The following TMEM255A variants were observed in gnomAD, a reference collection of about 807,000 sequenced individuals.
The protein encoded by TMEM255A is transmembrane protein 255A.
TMEM255A carries 14 observed loss-of-function variants against 23.5 expected under a neutral mutation model. The observed-to-expected ratio is 0.60, with a 90% CI of 0.39 to 0.93. The LOEUF is 0.93. Ranked by LOEUF, TMEM255A falls within the 40% of genes least tolerant of loss-of-function variation. The probability of loss-of-function intolerance (pLI) is 0.00; values close to 1 mark genes in which losing one functional copy is unlikely to be tolerated. For synonymous variants in TMEM255A, 104 were observed against 100.3 expected, an observed-to-expected ratio of 1.04 and a Z score of -0.22; for missense variants, 233 against 261.7, an observed-to-expected ratio of 0.89 and a Z score of 0.76.
At chrX:120,300,727 A>G (rs1436108885) in intron 2 of TMEM255A, among the ~76,000 whole-genome samples, 2 of 106,418 alleles carry the variant, frequency 1.9e-5, no homozygotes, top group African/African-American at 6.9e-5. Context: ...TTATTTATTT[A>G]TTTGAGACAG....
chrX:120,287,382 G>T (rs1227428562), intron 4 of TMEM255A, among the ~76,000 whole-genome samples, 160 bp from the exon 5 acceptor site: 1 of 109,816 alleles, frequency 9.1e-6, no homozygotes, highest in East Asian at 2.9e-4. Context: ...AAAGTCACCT[G>T]TCTAGGGAGA....
chrX:120,272,707 C>T (rs2057769629), intron 7 of TMEM255A, among the ~76,000 whole-genome samples: 1 of 109,405 alleles, frequency 9.1e-6, no homozygotes, highest in African/African-American at 3.4e-5. Flanking sequence ...TCAATTAAAC[C>T]TCTCTTCTTT....
In TMEM255A at chrX:120,259,030, A is replaced by T. The variant is rs1337010605; in HGVS notation, c.*1840T>A. The T allele has an allele frequency of 8.8e-6, 1 of 113,026 alleles. No individual in the cohort carries two copies. The highest frequency in any genetic ancestry group is 3.2e-5 in the African/African-American group (1 of 31,091). 9.3% of individuals were successfully genotyped at this position (113,026 alleles called of 1,213,427 possible). On this transcript the variant is annotated 3_prime_UTR_variant, in exon 9 of 9. Transcript: ENST00000371369. ...TTATTTTGTAAAGTAAGAAAAATAC[A>T]TAGAAATGAGCCATAGAATCTTAAC...
chrX:120,305,171 T>C (rs930979888), intron 1 of TMEM255A, among the ~76,000 whole-genome samples: 5 of 111,742 alleles, frequency 4.5e-5, no homozygotes, highest in African/African-American at 1.6e-4. Flanking sequence ...TTTAGGCTTA[T>C]GTGAGGGTGA....
intron 6 of TMEM255A, among the ~76,000 whole-genome samples, chrX:120,282,151 T>A (rs143695082): frequency 0.024 from 2,708 of 111,616 alleles, 79 homozygotes; most frequent in African/African-American, 0.082. Flanking sequence ...TATTGCTAGC[T>A]ATATTTAGGC....
intron 8 of TMEM255A, among the ~76,000 whole-genome samples, chrX:120,261,519 C>G (rs2057680258): frequency 8.9e-6 from 1 of 111,761 alleles, no homozygotes; most frequent in Non-Finnish European, 1.9e-5. Flanking sequence ...CTCTCATAGA[C>G]AAGAAACTAA....
rs377625503 is a variant in TMEM255A at position 120,311,340 on chromosome X, G to T, written c.-31C>A. 6.1e-6 allele frequency: 7 copies of T among 1,149,471 alleles called. No individual in the cohort carries two copies. Among genetic ancestry groups the T allele is most frequent in the Non-Finnish European group, 8.2e-6 (7 of 855,446 alleles). The allele number at this position is 1,149,471 out of a possible 1,213,427, so 94.7% of individuals were successfully genotyped here. ...AAACTGCCCGGTTGCCCCAGTCCCC[G>T]AAGCTGCTTCAAGCGCCCCCGGCTC... On this transcript the variant is annotated 5_prime_UTR_variant, in exon 1 of 9. Transcript: ENST00000371369.
downstream of TMEM255A, chrX:120,254,951 T>A: frequency 8.3e-7 from 1 of 1,212,003 alleles, no homozygotes; most frequent in South Asian, 1.8e-5. Flanking sequence ...TGCGGAGACA[T>A]TTTAACATTC....
chrX:120,265,099 A>G (rs933612515), intron 8 of TMEM255A, among the ~76,000 whole-genome samples: 1 of 109,938 alleles, frequency 9.1e-6, no homozygotes, highest in Non-Finnish European at 1.9e-5. Context: ...CTGGTCTCGA[A>G]CTCCCGACCT....
chrX:120,277,173 C>T lies in TMEM255A; in HGVS notation c.513-126G>A, dbSNP rs2057805067. 6 of 515,690 alleles carry T rather than the reference C, an allele frequency of 1.2e-5. No homozygotes were observed. The East Asian group carries it at 2.1e-4, about 18-fold the overall frequency. 42.5% of individuals were successfully genotyped at this position (515,690 alleles called of 1,213,427 possible). A position where few individuals can be genotyped will look rare whatever the true frequency, so the allele number is the denominator to read the frequency against. ...AAAAGACAGGTGGGCAGGTGGGGAG[C>T]TACAGTAAGAGACATCATAGCCATG... is the stretch of plus-strand genomic sequence containing the variant. On this transcript the variant is annotated intron_variant, in intron 6 of 8. Transcript: ENST00000371369.
chrX:120,264,005 T>C (rs968654093), intron 8 of TMEM255A, among the ~76,000 whole-genome samples: 2 of 110,976 alleles, frequency 1.8e-5, no homozygotes, highest in African/African-American at 6.6e-5. Flanking sequence ...AGAGGAAAAA[T>C]AGAGGCACTT....
intron 7 of TMEM255A, among the ~76,000 whole-genome samples, chrX:120,272,920 T>G (rs1556019067): frequency 9.0e-6 from 1 of 110,559 alleles, no homozygotes; most frequent in Non-Finnish European, 1.9e-5. Flanking sequence ...TTTTGTATTT[T>G]TAGTAGAGAC....
At chrX:120,256,684 T>A (rs1274812189), downstream of TMEM255A, 1 of 122,862 alleles carries the variant, frequency 8.1e-6, no homozygotes, top group Non-Finnish European at 1.9e-5. Flanking sequence ...AAGTTAACAC[T>A]TACTGAAGTG....
chrX:120,262,017 C>T (rs782469784), intron 8 of TMEM255A, among the ~76,000 whole-genome samples: 6 of 111,927 alleles, frequency 5.4e-5, no homozygotes, highest in South Asian at 3.7e-4. Flanking sequence ...AGGCCGGGCG[C>T]GGTGGCTAAC....
At chrX:120,298,306 G>T (rs782782014) in intron 2 of TMEM255A, among the ~76,000 whole-genome samples, 2 of 111,661 alleles carry the variant, frequency 1.8e-5, no homozygotes, top group Non-Finnish European at 3.8e-5. Flanking sequence ...AGGCCAGGAG[G>T]TGGGATGGGG....
rs139214338 is a variant in TMEM255A, at chrX:120,269,779, C to A, written c.676-1392G>T. On this transcript the variant is annotated intron_variant, in intron 7 of 8. Coordinates refer to ENST00000371369, the MANE Select transcript of TMEM255A (RefSeq NM_001104544.3). Reference sequence around the variant, plus strand: ...TTTACTCAGAAATGCCCTTACCTCTCCCCCAGAATTCTTTAAAGAAATTCT... The same window carrying A: ...TTTACTCAGAAATGCCCTTACCTCTACCCCAGAATTCTTTAAAGAAATTCT... Among the ~76,000 whole-genome samples the A allele has an allele frequency of 1.6e-3, 177 of 111,721 alleles. 2 individuals carry two copies. The highest frequency in any genetic ancestry group is 5.7e-3 in the African/African-American group (175 of 30,729).
At chrX:120,255,169 G>A (rs1556015175), downstream of TMEM255A, 2 of 1,211,516 alleles carry the variant, frequency 1.7e-6, no homozygotes, top group Non-Finnish European at 2.2e-6. Flanking sequence ...AAGCTTTATC[G>A]TTTACATCCA....
downstream of TMEM255A, chrX:120,255,940 T>C (rs1468679892): frequency 8.1e-6 from 1 of 123,927 alleles, no homozygotes; most frequent in Non-Finnish European, 1.9e-5. Context: ...GGTTGTGTAA[T>C]CTGCTAGTCC....
intron 7 of TMEM255A, chrX:120,273,456 G>A (rs2057775654): frequency 5.2e-6 from 1 of 192,935 alleles, no homozygotes; most frequent in Non-Finnish European, 1.0e-5. Flanking sequence ...TCAATTCAGT[G>A]AGTGTTAGTA....
Sources: allele counts gnomAD v4.1 joint callset (sites outside exome capture counted in the v4.1 genomes callset), GRCh38; gene constraint gnomAD v4.1.1; transcripts MANE v1.5; gene names NCBI Gene and HGNC (gene_info 2026-07-23, HGNC 2026-07-21).